Variants in GPC6 observed in about 807,000 individuals in gnomAD.
GPC6 encodes the protein glypican-6.
In GPC6, 14 loss-of-function variants were observed where a neutral mutation model predicts 55.2. That is an observed-to-expected ratio of 0.25 (90% CI 0.17 to 0.40). GPC6 has a LOEUF of 0.40. Among genes scored for constraint, GPC6 ranks in the 10% least tolerant of loss-of-function variants. The pLI, the probability that GPC6 is intolerant of heterozygous loss-of-function variation, is 1.00. For synonymous variants in GPC6, 278 were observed against 259.6 expected (o/e 1.07, Z -0.68); for missense variants, 641 against 708.5 (o/e 0.90, Z 1.08).
At chr13:93,817,594 C>T (rs1417012026) in intron 2 of GPC6, among the ~76,000 whole-genome samples, 1 of 152,152 alleles carries the variant, frequency 6.6e-6, no homozygotes, top group African/African-American at 2.4e-5. Flanking sequence ...TGCAGTGGCT[C>T]ACGCCTGTAA....
At chr13:94,341,396 C>G (rs572030739) in intron 6 of GPC6, among the ~76,000 whole-genome samples, 1 of 152,030 alleles carries the variant, frequency 6.6e-6, no homozygotes, top group East Asian at 1.9e-4. Context: ...ACCAGCCTGG[C>G]CAACATGGTG....
At chr13:94,255,255 C>G (rs1201727746) in intron 4 of GPC6, among the ~76,000 whole-genome samples, 3 of 152,156 alleles carry the variant, frequency 2.0e-5, no homozygotes, top group Non-Finnish European at 4.4e-5. Flanking sequence ...ATAATCAAAG[C>G]TCATGTCTGT....
At position 93,227,426 on chromosome 13, in the gene GPC6, G is replaced by T. The variant is rs1407282641; in HGVS notation, c.-31G>T. On this transcript the variant is annotated 5_prime_UTR_variant, in exon 1 of 9. Transcript: ENST00000377047. This position sits in a 1 kb window ranked among gnomAD's most constrained non-coding sequence, Gnocchi z 4.3. ...AAGGTGAAGAGCGCACCGGCCGTGG[G>T]GTTTACCGAGCTGGATTTGTATGTT... is the stretch of plus-strand genomic sequence containing the variant. The T allele has an allele frequency of 6.2e-7, 1 of 1,611,902 alleles. No homozygotes were observed. Among genetic ancestry groups the T allele is most frequent in the Non-Finnish European group, 8.5e-7 (1 of 1,178,390 alleles).
At chr13:94,355,027 C>CTT (rs5805858) in intron 6 of GPC6, among the ~76,000 whole-genome samples, 7 of 145,734 alleles carry the variant, frequency 4.8e-5, no homozygotes, top group Non-Finnish European at 7.6e-5. Context: ...AGTGGCTCTT[C>CTT]TTTTTTTTTT....
chr13:93,997,652 A>G (rs1364817640), intron 3 of GPC6, among the ~76,000 whole-genome samples: 2 of 152,106 alleles, frequency 1.3e-5, no homozygotes, highest in South Asian at 2.1e-4. Context: ...CAAGATTGCA[A>G]TAATTTTGAT....
intron 4 of GPC6, among the ~76,000 whole-genome samples, chr13:94,214,395 G>A (rs1890168799): frequency 6.6e-6 from 1 of 152,152 alleles, no homozygotes; most frequent in African/African-American, 2.4e-5. Flanking sequence ...GGCTTGGGTA[G>A]GTAGGGAATT....
intron 1 of GPC6, among the ~76,000 whole-genome samples, chr13:93,516,992 A>G (rs1354401872): frequency 6.6e-6 from 1 of 152,186 alleles, no homozygotes; most frequent in East Asian, 1.9e-4. Flanking sequence ...TATGCCAGGC[A>G]TTATGTAGCT....
chr13:94,403,163 G>A lies in GPC6; in HGVS notation c.1614G>A (p.Leu538=). ...DSSAAQRGHS[L]LSWSLTCIVL... Reference sequence around the variant, plus strand: ...CTGCAGCCCAGCGTGGCCACTCCCTGCTCTCCTGGTCTCTCACCTGCATTG... The same window carrying A: ...CTGCAGCCCAGCGTGGCCACTCCCTACTCTCCTGGTCTCTCACCTGCATTG... Residue 538 remains leucine (L), a synonymous_variant, in exon 9 of 9, where the codon CTG becomes CTA. Coordinates refer to ENST00000377047, the MANE Select transcript of GPC6 (RefSeq NM_005708.5). 6.2e-7 allele frequency: 1 copy of A among 1,614,102 alleles called. No individual in the cohort carries two copies.
At chr13:93,652,810 G>A (rs1269030237) in intron 2 of GPC6, among the ~76,000 whole-genome samples, 1 of 152,190 alleles carries the variant, frequency 6.6e-6, no homozygotes, top group Non-Finnish European at 1.5e-5. Context: ...GTTATTTGGT[G>A]AGACTTTGAA....
chr13:94,400,955 A>G (rs778352097), intron 8 of GPC6, among the ~76,000 whole-genome samples: 4 of 152,178 alleles, frequency 2.6e-5, no homozygotes, highest in Non-Finnish European at 5.9e-5. Context: ...GTGCATTTAA[A>G]TAACAAATGT....
intron 1 of GPC6, among the ~76,000 whole-genome samples, chr13:93,451,533 T>C (rs777349413): frequency 1.1e-4 from 16 of 152,186 alleles, no homozygotes; most frequent in Non-Finnish European, 2.1e-4. Context: ...TTTTCACACA[T>C]AAAATTGTGT....
intron 2 of GPC6, among the ~76,000 whole-genome samples, chr13:93,784,157 G>C (rs1440008868): frequency 6.6e-6 from 1 of 152,132 alleles, no homozygotes; most frequent in Admixed American, 6.6e-5. Flanking sequence ...ATCAGAGGCA[G>C]GGTGGGGGTA....
intron 1 of GPC6, among the ~76,000 whole-genome samples, chr13:93,325,260 T>C (rs1879613971): frequency 6.6e-6 from 1 of 152,224 alleles, no homozygotes; most frequent in South Asian, 2.1e-4. Context: ...TTTTTGTAGT[T>C]AATAGCTGTT....
intron 1 of GPC6, among the ~76,000 whole-genome samples, chr13:93,390,173 GTTT>G (rs56206406): frequency 1.3e-5 from 2 of 150,504 alleles, no homozygotes; most frequent in African/African-American, 4.9e-5. Flanking sequence ...TGAAAATTCT[GTTT>G]TTTTTTTTTC....
At chr13:93,656,548 C>T (rs1390055376) in intron 2 of GPC6, among the ~76,000 whole-genome samples, 1 of 151,928 alleles carries the variant, frequency 6.6e-6, no homozygotes, top group Non-Finnish European at 1.5e-5. Context: ...ATGTACTTAC[C>T]TCTTAGAGGC....
chr13:93,301,884 G>A (rs1000860822), intron 1 of GPC6, among the ~76,000 whole-genome samples: 3 of 152,164 alleles, frequency 2.0e-5, no homozygotes, highest in East Asian at 1.9e-4. Context: ...GGAGCAACAC[G>A]TGAAGAGCCC....
At chr13:94,274,999 G>C (rs1386750631) in intron 4 of GPC6, among the ~76,000 whole-genome samples, 1 of 152,204 alleles carries the variant, frequency 6.6e-6, no homozygotes, top group East Asian at 1.9e-4. Flanking sequence ...CATGGCAGGA[G>C]AGTAGGGAGA....
intron 2 of GPC6, among the ~76,000 whole-genome samples, chr13:93,620,742 T>C (rs1878916457): frequency 6.6e-6 from 1 of 152,158 alleles, no homozygotes; most frequent in African/African-American, 2.4e-5. Context: ...AAAGCAGAAT[T>C]CCCTTTGATG....
chr13:93,499,782 T>C (rs1216458914), intron 1 of GPC6, among the ~76,000 whole-genome samples: 1 of 152,204 alleles, frequency 6.6e-6, no homozygotes, highest in East Asian at 1.9e-4. Context: ...TTATTTATGA[T>C]TCTTTCCTTA....
Sources: allele counts gnomAD v4.1 joint callset (sites outside exome capture counted in the v4.1 genomes callset), GRCh38; gene constraint gnomAD v4.1.1; non-coding constraint Gnocchi (gnomAD v3.1); transcripts MANE v1.5; gene names NCBI Gene and HGNC (gene_info 2026-07-23, HGNC 2026-07-21).